The following CLASP1 variants were observed in gnomAD, a reference collection of about 807,000 sequenced individuals.
CLASP1 encodes cytoplasmic linker associated protein 1, also known as CLIP-associating protein 1.
In CLASP1, 38 loss-of-function variants were observed where a neutral mutation model predicts 192.3. The ratio of observed to expected loss-of-function variants is 0.20; its 90% confidence interval spans 0.15 to 0.26. The LOEUF is 0.26. Ranked by LOEUF, CLASP1 falls within the 10% of genes least tolerant of loss-of-function variation. CLASP1 has a pLI of 1.00. For missense variants in CLASP1, 1,433 were observed against 1,932.5 expected (o/e 0.74, Z 4.85); for synonymous variants, 691 against 712.8 (o/e 0.97, Z 0.49).
At chr2:121,478,763 C>A (rs1270358268) in intron 8 of CLASP1, among the ~76,000 whole-genome samples, 23 of 78,452 alleles carry the variant, frequency 2.9e-4, no homozygotes, top group African/African-American at 1.4e-3. Flanking sequence ...ACACACACAC[C>A]ACACACCCCA....
Position 121,407,072 on chromosome 2 carries a change from C to T in CLASP1, c.2669+399G>A, listed in dbSNP as rs188033241. ...CTCTACTACAAATACAAAAATTAGC[C>T]AGGCGTGGTGGTGTACCCCCGTAGT... On this transcript the variant is annotated intron_variant, in intron 25 of 39. Coordinates refer to ENST00000263710, the Ensembl canonical transcript of CLASP1. Among the ~76,000 whole-genome samples the T allele has an allele frequency of 3.0e-4, 45 of 152,044 alleles. 1 individual carries two copies. The highest frequency in any genetic ancestry group is 1.1e-3 in the African/African-American group (44 of 41,500).
intron 6 of CLASP1, among the ~76,000 whole-genome samples, chr2:121,516,460 C>T (rs1434878717): frequency 6.6e-6 from 1 of 152,132 alleles, no homozygotes; most frequent in Non-Finnish European, 1.5e-5. Flanking sequence ...TGCAAAGGCA[C>T]GAAAGCAGAC....
chr2:121,611,505 G>A (rs1359151015), intron 1 of CLASP1, among the ~76,000 whole-genome samples: 4 of 133,042 alleles, frequency 3.0e-5, no homozygotes, highest in Admixed American at 7.4e-5. Flanking sequence ...AGGAAGAAGA[G>A]GAACTGGAGG....
intron 9 of CLASP1, among the ~76,000 whole-genome samples, chr2:121,468,982 G>T (rs926968191): frequency 3.3e-5 from 5 of 152,070 alleles, no homozygotes; most frequent in Non-Finnish European, 7.4e-5. Context: ...TCATCTTTGT[G>T]GGCTTATCTA....
intron 2 of CLASP1, among the ~76,000 whole-genome samples, chr2:121,571,181 G>C (rs1467739766): frequency 6.6e-6 from 1 of 151,762 alleles, no homozygotes; most frequent in Non-Finnish European, 1.5e-5. Flanking sequence ...TTTAGTTTTT[G>C]GTTTTTTTCT....
At chr2:121,552,488 T>G (rs2058129750) in intron 2 of CLASP1, among the ~76,000 whole-genome samples, 1 of 151,984 alleles carries the variant, frequency 6.6e-6, no homozygotes, top group Non-Finnish European at 1.5e-5. Context: ...CTTTAACAAA[T>G]TTACAAGAGA....
intron 2 of CLASP1, among the ~76,000 whole-genome samples, chr2:121,559,590 A>G (rs2058893491): frequency 6.6e-6 from 1 of 152,220 alleles, no homozygotes; most frequent in African/African-American, 2.4e-5. Context: ...ACCAAAGACC[A>G]CATATCGCAT....
intron 7 of CLASP1, among the ~76,000 whole-genome samples, chr2:121,509,018 T>C (rs929120173): frequency 1.3e-5 from 2 of 152,042 alleles, no homozygotes; most frequent in Admixed American, 6.6e-5. Context: ...AAGAGAGAAA[T>C]AGATAATTCA....
At chr2:121,531,202 C>G (rs1194561565) in intron 2 of CLASP1, among the ~76,000 whole-genome samples, 1 of 152,096 alleles carries the variant, frequency 6.6e-6, no homozygotes, top group Non-Finnish European at 1.5e-5. Context: ...TTACGCCGAT[C>G]ATCAACTGTT....
intron 22 of CLASP1, among the ~76,000 whole-genome samples, chr2:121,422,084 T>C (rs1487811891): frequency 6.6e-6 from 1 of 152,212 alleles, no homozygotes; most frequent in African/African-American, 2.4e-5. Flanking sequence ...CATGAAATGC[T>C]GGGAAGCCGT....
intron 2 of CLASP1, among the ~76,000 whole-genome samples, chr2:121,570,818 T>A (rs1043884595): frequency 2.0e-5 from 3 of 152,168 alleles, no homozygotes; most frequent in Non-Finnish European, 4.4e-5. Flanking sequence ...CAACTAAAAC[T>A]CATTTTCTGG....
chr2:121,581,954 G>T (rs1015505450), intron 2 of CLASP1, among the ~76,000 whole-genome samples: 2 of 152,008 alleles, frequency 1.3e-5, no homozygotes, highest in Non-Finnish European at 2.9e-5. Flanking sequence ...AGGCCCAGGC[G>T]GGCGGATCAC....
intron 7 of CLASP1, among the ~76,000 whole-genome samples, chr2:121,507,114 T>C (rs1034658683): frequency 3.3e-5 from 5 of 152,184 alleles, no homozygotes; most frequent in African/African-American, 1.2e-4. Flanking sequence ...CACCTATACA[T>C]TGCCTTAACT....
intron 34 of CLASP1, among the ~76,000 whole-genome samples, chr2:121,369,715 C>T (rs201283322): frequency 6.6e-6 from 1 of 152,144 alleles, no homozygotes; most frequent in East Asian, 1.9e-4. Context: ...TTGTAACCAC[C>T]ATGTTTAATC....
intron 8 of CLASP1, among the ~76,000 whole-genome samples, chr2:121,482,054 C>T (rs983360584): frequency 2.0e-5 from 3 of 152,162 alleles, no homozygotes; most frequent in African/African-American, 7.2e-5. Context: ...GGATGTGACC[C>T]GTACTACGTG....
intron 35 of CLASP1, among the ~76,000 whole-genome samples, chr2:121,366,078 G>A (rs1409884655): frequency 1.3e-5 from 2 of 152,208 alleles, no homozygotes; most frequent in Admixed American, 1.3e-4. Context: ...AGATTGGGTA[G>A]CAAACACACA....
chr2:121,538,327 G>A (rs2095144322), intron 2 of CLASP1, among the ~76,000 whole-genome samples: 1 of 151,960 alleles, frequency 6.6e-6, no homozygotes, highest in Non-Finnish European at 1.5e-5. Context: ...CAGGAGAATC[G>A]CTTGAAACCG....
intron 19 of CLASP1, among the ~76,000 whole-genome samples, chr2:121,437,419 T>G (rs568021337): frequency 1.1e-4 from 17 of 152,340 alleles, no homozygotes; most frequent in African/African-American, 3.8e-4. Context: ...ATCACTTTTC[T>G]TGGAAATTTA....
intron 2 of CLASP1, among the ~76,000 whole-genome samples, chr2:121,543,588 C>A (rs537913623): frequency 6.6e-6 from 1 of 152,188 alleles, no homozygotes; most frequent in Non-Finnish European, 1.5e-5. Flanking sequence ...GGACTCACAG[C>A]TCTTCCTCCT....
Sources: gnomAD v4.1 joint callset for allele counts (sites outside exome capture counted in the v4.1 genomes callset) on GRCh38, gnomAD v4.1.1 for gene constraint, MANE v1.5 for transcripts, NCBI Gene and HGNC (gene_info 2026-07-23, HGNC 2026-07-21) for gene names.